The following ANXA7 variants were observed in gnomAD, a reference collection of about 807,000 sequenced individuals.
The protein encoded by ANXA7 is annexin A7, also known as annexin VII.
A neutral mutation model predicts 64.9 loss-of-function variants in ANXA7; 55 were observed. That is an observed-to-expected ratio of 0.85 (90% CI 0.68 to 1.06). ANXA7 has a LOEUF of 1.06. Among genes scored for constraint, ANXA7 ranks in the 50% least tolerant of loss-of-function variants. ANXA7 has a pLI of 0.00. For synonymous variants in ANXA7, 200 were observed against 192.4 expected (o/e 1.04, Z -0.33); for missense variants, 548 against 582.1 (o/e 0.94, Z 0.60).
At chr10:73,376,786 C>A (rs538160371) in intron 12 of ANXA7, among the ~76,000 whole-genome samples, 11 of 151,608 alleles carry the variant, frequency 7.3e-5, no homozygotes, top group South Asian at 4.2e-4. Flanking sequence ...AAAAAAAAAA[C>A]CAAAAGGTGG....
intron 1 of ANXA7, among the ~76,000 whole-genome samples, chr10:73,412,500 T>G (rs991824599): frequency 1.1e-3 from 149 of 134,880 alleles, no homozygotes; most frequent in African/African-American, 4.1e-3. Flanking sequence ...GTTTTTTGGG[T>G]TTTTTTTTTT....
chr10:73,388,052 G>A (rs1296144728), intron 6 of ANXA7, among the ~76,000 whole-genome samples: 5 of 151,788 alleles, frequency 3.3e-5, no homozygotes, highest in South Asian at 4.2e-4. Context: ...ATGGAGTTTC[G>A]CCATGTTGGC....
At chr10:73,395,120 C>T (rs1475327825) in intron 5 of ANXA7, among the ~76,000 whole-genome samples, 1 of 152,176 alleles carries the variant, frequency 6.6e-6, no homozygotes, top group Non-Finnish European at 1.5e-5. Context: ...AGCAAAGCAA[C>T]TTTGTATAAG....
intron 1 of ANXA7, 141 bp from the exon 2 acceptor site, chr10:73,400,998 C>T (rs948377929): frequency 2.5e-5 from 12 of 484,960 alleles, no homozygotes; most frequent in African/African-American, 1.0e-4. Context: ...CCTCTGCCTC[C>T]GGGTTCAAGC....
chr10:73,402,788 T>A (rs1387575987), intron 1 of ANXA7, among the ~76,000 whole-genome samples: 2 of 151,924 alleles, frequency 1.3e-5, no homozygotes, highest in African/African-American at 2.4e-5. Flanking sequence ...TATATTTGTA[T>A]CCCCATTCCC....
chr10:73,380,603 A>G (rs2055260435), intron 9 of ANXA7, among the ~76,000 whole-genome samples: 1 of 152,162 alleles, frequency 6.6e-6, no homozygotes, highest in Non-Finnish European at 1.5e-5. Context: ...AGATTAATCC[A>G]TAATGTCTGT....
At chr10:73,386,516 A>G (rs1437648049) in intron 7 of ANXA7, among the ~76,000 whole-genome samples, 2 of 152,178 alleles carry the variant, frequency 1.3e-5, no homozygotes, top group Admixed American at 6.5e-5. Flanking sequence ...TGTCCAGACT[A>G]ATGAAAGAAA....
intron 1 of ANXA7, among the ~76,000 whole-genome samples, chr10:73,407,034 T>C (rs2055768162): frequency 6.6e-6 from 1 of 152,164 alleles, no homozygotes; most frequent in Non-Finnish European, 1.5e-5. Flanking sequence ...AGCTCAAGTC[T>C]CCTCTCTTCC....
At chr10:73,376,814 C>A (rs984569853) in intron 12 of ANXA7, among the ~76,000 whole-genome samples, 8 of 151,954 alleles carry the variant, frequency 5.3e-5, no homozygotes, top group Non-Finnish European at 1.2e-4. Flanking sequence ...GTACAATAGA[C>A]TATTTAATTA....
intron 5 of ANXA7, among the ~76,000 whole-genome samples, chr10:73,390,743 CACATATAT>C (rs2055466564): frequency 7.1e-6 from 1 of 141,758 alleles, no homozygotes; most frequent in African/African-American, 2.8e-5. Flanking sequence ...TACACACACA[CACATATAT>C]ATATATTGAT....
chr10:73,411,299 G>T (rs2055833874), intron 1 of ANXA7, among the ~76,000 whole-genome samples: 1 of 152,148 alleles, frequency 6.6e-6, no homozygotes, highest in African/African-American at 2.4e-5. Flanking sequence ...GACTCAGAAA[G>T]GGGAGGGTGA....
chr10:73,398,299 T>A lies in ANXA7; in HGVS notation c.141A>T (p.Pro47=). The change falls in exon 3 of 13, where the codon CCA becomes CCT. Residue 47 remains proline (P), a synonymous_variant. Coordinates refer to ENST00000372921, the MANE Select transcript of ANXA7 (RefSeq NM_001156.5). ...GFPPMGGGAY[P]QVPSSGYPGA... Reference sequence around the variant, plus strand: ...CTGGGTAGCCACTACTTGGCACTTGTGGGTAGGCACCTCCTCCCATTGGAG... The same window carrying A: ...CTGGGTAGCCACTACTTGGCACTTGAGGGTAGGCACCTCCTCCCATTGGAG... 1.2e-6 allele frequency: 2 copies of A among 1,614,092 alleles called. No individual in the cohort carries two copies. Among genetic ancestry groups the A allele is most frequent in the South Asian group, 1.1e-5 (1 of 91,074 alleles).
Position 73,383,246 on chromosome 10 carries a change from G to C in ANXA7, c.847C>G (p.Arg283Gly), listed in dbSNP as rs763704857. ...IVRCYQSEFGRDLEKDIRSDT... is the reference protein window; with the variant it reads ...IVRCYQSEFGGDLEKDIRSDT... Reference sequence around the variant, plus strand: ...GACCTAATGTCCTTTTCAAGGTCTCGTCCAAATTCTGACTGATAACATCTG... The same window carrying C: ...GACCTAATGTCCTTTTCAAGGTCTCCTCCAAATTCTGACTGATAACATCTG... The change falls in exon 9 of 13, where the codon CGA becomes GGA. Residue 283 changes from arginine to glycine, a missense_variant. Coordinates refer to ENST00000372921, the MANE Select transcript of ANXA7 (RefSeq NM_001156.5). The C allele has an allele frequency of 6.2e-7, 1 of 1,614,030 alleles. No individual in the cohort carries two copies. Among genetic ancestry groups the C allele is most frequent in the Admixed American group, 1.7e-5 (1 of 60,012 alleles).
intron 5 of ANXA7, among the ~76,000 whole-genome samples, chr10:73,390,597 G>C (rs2055455088): frequency 6.6e-6 from 1 of 150,656 alleles, no homozygotes; most frequent in South Asian, 2.1e-4. Context: ...TCCTAAATAG[G>C]ACAGAAGCCA....
Position 73,398,263 on chromosome 10 carries a change from G to T in ANXA7, c.177C>A (p.Gly59=). Residue 59 remains glycine (G), a synonymous_variant, in exon 3 of 13, where the codon GGC becomes GGA. Coordinates refer to ENST00000372921, the MANE Select transcript of ANXA7 (RefSeq NM_001156.5). The part of the protein sequence containing the change: ...VPSSGYPGAG[G]YPAPGGYPAP... ...CTGGATAACCTCCAGGCGCAGGGTA[G>T]CCTCCAGCTCCTGGGTAGCCACTAC... 1 of 1,614,068 alleles carries T rather than the reference G, an allele frequency of 6.2e-7. No homozygotes were observed. Among genetic ancestry groups the T allele is most frequent in the Non-Finnish European group, 8.5e-7 (1 of 1,180,004 alleles).
At chr10:73,413,437 G>A (rs2055875649) in intron 1 of ANXA7, among the ~76,000 whole-genome samples, 1 of 152,178 alleles carries the variant, frequency 6.6e-6, no homozygotes, top group Non-Finnish European at 1.5e-5. Flanking sequence ...GTTTGCACAG[G>A]ATGAGCTAAT....
chr10:73,396,011 A>T (rs776869039), intron 5 of ANXA7: 1 of 1,341,910 alleles, frequency 7.5e-7, no homozygotes, highest in Non-Finnish European at 1.1e-6. Context: ...TAAAGGACCT[A>T]GTGATTAGTA....
rs111724932 is a variant in ANXA7, at chr10:73,387,928, T to C, written c.539-145A>G. ...GTGCAATGGTGTGATCTAGGCTGAC[T>C]GCAATCTCCACCTCCCAGGTTCAAG... On this transcript the variant is annotated intron_variant, in intron 6 of 12. Transcript: ENST00000372921. 2.9e-3 allele frequency: 1,877 copies of C among 651,002 alleles called. 39 individuals are homozygous for C. The African/African-American group carries it at 0.03, about 10-fold the overall frequency. 40.3% of individuals were successfully genotyped at this position (651,002 alleles called of 1,614,324 possible).
intron 5 of ANXA7, among the ~76,000 whole-genome samples, chr10:73,394,513 A>G (rs2055538298): frequency 6.6e-6 from 1 of 152,234 alleles, no homozygotes; most frequent in Non-Finnish European, 1.5e-5. Context: ...CATATACACC[A>G]TGGAATACTA....
Sources: allele counts gnomAD v4.1 joint callset (sites outside exome capture counted in the v4.1 genomes callset), GRCh38; gene constraint gnomAD v4.1.1; transcripts MANE v1.5; gene names NCBI Gene and HGNC (gene_info 2026-07-23, HGNC 2026-07-21).